The following WDFY4 variants were observed in gnomAD, a reference collection of about 807,000 sequenced individuals.
WDFY4 encodes the protein WDFY family member 4, also known as WD repeat- and FYVE domain-containing protein 4.
A neutral mutation model predicts 351.9 loss-of-function variants in WDFY4; 169 were observed. That is an observed-to-expected ratio of 0.48 (90% CI 0.42 to 0.55). The LOEUF (loss-of-function observed/expected upper bound fraction) is 0.55, where lower values mean the gene tolerates loss of function less well. Ranked by LOEUF, WDFY4 falls within the 20% of genes least tolerant of loss-of-function variation. WDFY4 has a pLI of 0.00. For missense variants in WDFY4, 3,803 were observed against 3,935.6 expected, an observed-to-expected ratio of 0.97 and a Z score of 0.90; for synonymous variants, 1,622 against 1,574.6, an observed-to-expected ratio of 1.03 and a Z score of -0.71.
At position 48,957,267 on chromosome 10, in the gene WDFY4, A is replaced by C; in HGVS notation, c.8116A>C (p.Asn2706His). Residue 2706 changes from asparagine to histidine, a missense_variant, in exon 52 of 62, where the codon AAC (asparagine) becomes CAC (histidine). Coordinates refer to ENST00000325239, the MANE Select transcript of WDFY4 (RefSeq NM_001394531.1). Reference protein sequence around the residue: ...FYLPEFLTNCNGVEFGCMQDG... With the variant: ...FYLPEFLTNCHGVEFGCMQDG... ...CCTGCCTGAGTTCTTAACCAACTGCAACGGGGTAGAGTTCGGTAAGTGGAG... is the reference window on the plus strand; with the variant it reads ...CCTGCCTGAGTTCTTAACCAACTGCCACGGGGTAGAGTTCGGTAAGTGGAG... 6.4e-7 allele frequency: 1 copy of C among 1,551,442 alleles called. No individual in the cohort carries two copies. The highest frequency in any genetic ancestry group is 1.2e-5 in the South Asian group (1 of 84,050).
intron 7 of WDFY4, among the ~76,000 whole-genome samples, chr10:48,728,789 A>G (rs1195405686): frequency 6.6e-6 from 1 of 152,228 alleles, no homozygotes; most frequent in Non-Finnish European, 1.5e-5. Context: ...TTTTTGGTTC[A>G]TTGGGTGTTG....
At chr10:48,908,966 A>G (rs1017765219) in intron 47 of WDFY4, among the ~76,000 whole-genome samples, 2 of 152,144 alleles carry the variant, frequency 1.3e-5, no homozygotes, top group African/African-American at 4.8e-5. Flanking sequence ...TCTGTTTTTC[A>G]TATCTATTAT....
chr10:48,696,883 C>A (rs567536463), intron 1 of WDFY4, among the ~76,000 whole-genome samples: 3 of 152,212 alleles, frequency 2.0e-5, no homozygotes, highest in Non-Finnish European at 4.4e-5. Flanking sequence ...GTTGCAAGGA[C>A]GATATTGTTC....
intron 53 of WDFY4, among the ~76,000 whole-genome samples, chr10:48,962,510 G>A (rs1040299351): frequency 6.6e-6 from 1 of 152,162 alleles, no homozygotes; most frequent in South Asian, 2.1e-4. Flanking sequence ...CTGTGATATC[G>A]AGACACTGGG....
chr10:48,750,010 C>G (rs2065131678), intron 12 of WDFY4, among the ~76,000 whole-genome samples: 1 of 152,200 alleles, frequency 6.6e-6, no homozygotes, highest in African/African-American at 2.4e-5. Context: ...ATGCGGTGTG[C>G]TCCAGGCAAT....
At chr10:48,801,662 C>A (rs186989198) in intron 24 of WDFY4, among the ~76,000 whole-genome samples, 76 of 152,048 alleles carry the variant, frequency 5.0e-4, no homozygotes, top group Non-Finnish European at 8.1e-4. Context: ...CTTTTCCTGG[C>A]GGAAGAACAA....
chr10:48,930,245 G>C (rs1839912903), intron 47 of WDFY4, among the ~76,000 whole-genome samples: 1 of 152,204 alleles, frequency 6.6e-6, no homozygotes, highest in South Asian at 2.1e-4. Context: ...TTGACTCACT[G>C]TTTTTACATG....
intron 47 of WDFY4, among the ~76,000 whole-genome samples, chr10:48,938,460 A>C (rs1214345705): frequency 1.3e-5 from 2 of 152,244 alleles, no homozygotes; most frequent in Non-Finnish European, 2.9e-5. Context: ...CTGGAGGCCC[A>C]GCCACAGGCT....
intron 39 of WDFY4, among the ~76,000 whole-genome samples, chr10:48,841,662 G>A (rs547533162): frequency 6.6e-6 from 1 of 152,324 alleles, no homozygotes; most frequent in East Asian, 1.9e-4. Flanking sequence ...GCAGAGAGCA[G>A]ACACGGAGCT....
intron 24 of WDFY4, among the ~76,000 whole-genome samples, chr10:48,796,853 G>C (rs1043227944): frequency 6.6e-6 from 1 of 152,206 alleles, no homozygotes; most frequent in African/African-American, 2.4e-5. Flanking sequence ...TTCTTGAAAG[G>C]GGTGAGTTAA....
chr10:48,787,016 T>C, intron 20 of WDFY4, 146 bp downstream of exon 20: 1 of 692,816 alleles, frequency 1.4e-6, no homozygotes, highest in Non-Finnish European at 2.4e-6. Context: ...ATTATATATT[T>C]ACAACCCAAG....
At chr10:48,922,178 G>T (rs542539867) in intron 47 of WDFY4, among the ~76,000 whole-genome samples, 1 of 152,142 alleles carries the variant, frequency 6.6e-6, no homozygotes, top group Non-Finnish European at 1.5e-5. Context: ...GAAAACCCCA[G>T]AAATAAGAAA....
chr10:48,855,569 A>G (rs1050069133), intron 39 of WDFY4, among the ~76,000 whole-genome samples: 1 of 152,122 alleles, frequency 6.6e-6, no homozygotes, highest in Non-Finnish European at 1.5e-5. Context: ...AAGGACTCCA[A>G]AGAGCTTTGG....
chr10:48,873,766 T>G (rs2069879684), intron 41 of WDFY4, 69 bp downstream of exon 41: 1 of 1,489,978 alleles, frequency 6.7e-7, no homozygotes, highest in Middle Eastern at 2.2e-4. Flanking sequence ...GCTCCTGAGC[T>G]TCCCCATCAC....
Position 48,982,923 on chromosome 10 carries a change from T to C in WDFY4, c.*348T>C, listed in dbSNP as rs778678545. On this transcript the variant is annotated 3_prime_UTR_variant, in exon 62 of 62. Coordinates refer to ENST00000325239, the MANE Select transcript of WDFY4 (RefSeq NM_001394531.1). The stretch of plus-strand genomic sequence containing the variant: ...GCTTACTGGAAATTATTGTATTGTC[T>C]TTATTTTATTAAAGCAACTATGTTT... 2.2e-5 allele frequency: 8 copies of C among 362,556 alleles called. No homozygotes were observed. Among genetic ancestry groups the C allele is most frequent in the Non-Finnish European group, 4.4e-5 (8 of 183,224 alleles). The allele number at this position is 362,556 out of a possible 1,614,324, so 22.5% of individuals were successfully genotyped here.
chr10:48,872,274 A>T (rs934728988), intron 40 of WDFY4, among the ~76,000 whole-genome samples: 1 of 152,226 alleles, frequency 6.6e-6, no homozygotes, highest in Admixed American at 6.5e-5. Context: ...GCACTCATAA[A>T]ATAATAGCCC....
At chr10:48,704,821 C>A (rs933662218) in intron 1 of WDFY4, among the ~76,000 whole-genome samples, 4 of 152,252 alleles carry the variant, frequency 2.6e-5, no homozygotes, top group Admixed American at 1.3e-4. Flanking sequence ...AGGCTGCTAG[C>A]TTTGCTGTCA....
intron 43 of WDFY4, among the ~76,000 whole-genome samples, chr10:48,890,159 C>T (rs1360588859): frequency 6.6e-6 from 1 of 152,228 alleles, no homozygotes; most frequent in Non-Finnish European, 1.5e-5. Context: ...AGTCCTGGCT[C>T]AACCATGTAC....
At chr10:48,950,331 G>A (rs926070183) in intron 51 of WDFY4, among the ~76,000 whole-genome samples, 4 of 152,184 alleles carry the variant, frequency 2.6e-5, no homozygotes, top group South Asian at 2.1e-4. Flanking sequence ...TGCACTTAGC[G>A]TAACGTCCTC....
Sources: allele counts gnomAD v4.1 joint callset (sites outside exome capture counted in the v4.1 genomes callset), GRCh38; gene constraint gnomAD v4.1.1; transcripts MANE v1.5; gene names NCBI Gene and HGNC (gene_info 2026-07-23, HGNC 2026-07-21).